NAV2: variants seen among roughly 807,000 people sequenced by gnomAD.
NAV2 encodes neuron navigator 2.
NAV2 carries 54 observed loss-of-function variants against 223.2 expected under a neutral mutation model. That is an observed-to-expected ratio of 0.24 (90% CI 0.19 to 0.30). The LOEUF (loss-of-function observed/expected upper bound fraction) is 0.30. Among genes scored for constraint, NAV2 ranks in the 10% least tolerant of loss-of-function variants. NAV2 has a pLI of 1.00. For missense variants in NAV2, 2,806 were observed against 3,147.5 expected, an observed-to-expected ratio of 0.89 and a Z score of 2.60; for synonymous variants, 1,279 against 1,239.3, an observed-to-expected ratio of 1.03 and a Z score of -0.67.
intron 17 of NAV2, among the ~76,000 whole-genome samples, chr11:20,051,770 AATATTTAACTTTTCTGCCC>A (rs538070847): frequency 5.3e-4 from 81 of 152,300 alleles, no homozygotes; most frequent in African/African-American, 1.9e-3. Context: ...CCAATTTGAA[AATATTTAACTTTTCTGCCC>A]ATAAAAAATT....
In NAV2 at chr11:20,068,208, A is replaced by C; in HGVS notation, c.4907A>C (p.Glu1636Ala). The C allele has an allele frequency of 6.2e-7, 1 of 1,614,058 alleles. No individual in the cohort carries two copies. The stretch of plus-strand genomic sequence containing the variant: ...CAGCCAGAAGAAAAATGCCAGTCAG[A>C]GGTAAGGAACAGCTTTCTGGTTGGA... ...YSTPEEKCQS[E>A]IRKLRRELDA... Residue 1636 changes from glutamate (E) to alanine (A), a missense_variant and splice_region_variant, in exon 21 of 38, where the codon GAG (glutamate) becomes GCG (alanine). Physicochemically the swap from Glu to Ala is moderately radical, Grantham distance 107. Coordinates refer to ENST00000349880, the MANE Select transcript of NAV2 (RefSeq NM_145117.5).
chr11:19,390,230 T>C (rs1849194849), intron 1 of NAV2, among the ~76,000 whole-genome samples: 1 of 152,182 alleles, frequency 6.6e-6, no homozygotes. Flanking sequence ...CTGGTCTCCT[T>C]GGACTTGTTT....
intron 36 of NAV2, 119 bp downstream of exon 36, chr11:20,107,901 C>A: frequency 1.4e-6 from 1 of 733,922 alleles, no homozygotes; most frequent in East Asian, 2.5e-5. Context: ...AACCCCTCAC[C>A]TGGGAGTTCA....
intron 10 of NAV2, among the ~76,000 whole-genome samples, chr11:19,966,719 T>C (rs766971205): frequency 2.0e-5 from 3 of 152,204 alleles, no homozygotes; most frequent in Non-Finnish European, 4.4e-5. Flanking sequence ...CTGATGCACA[T>C]TGATGGACAT....
At chr11:19,909,595 G>C (rs558530353) in intron 6 of NAV2, among the ~76,000 whole-genome samples, 74 of 152,320 alleles carry the variant, frequency 4.9e-4, no homozygotes, top group African/African-American at 1.5e-3. Context: ...AGTAGGAGGA[G>C]ATTCCTGGCT....
intron 3 of NAV2, among the ~76,000 whole-genome samples, chr11:19,860,377 C>T (rs1441453429): frequency 6.7e-6 from 1 of 148,622 alleles, no homozygotes; most frequent in African/African-American, 2.5e-5. Flanking sequence ...CAGAGACGCT[C>T]CTCACATCCC....
intron 1 of NAV2, among the ~76,000 whole-genome samples, chr11:19,672,135 C>T (rs1422413195): frequency 2.0e-5 from 3 of 152,150 alleles, no homozygotes; most frequent in Non-Finnish European, 4.4e-5. Flanking sequence ...GGAGCAGGGA[C>T]CAGCACTACA....
chr11:19,766,937 T>G (rs893653003), intron 1 of NAV2, among the ~76,000 whole-genome samples: 8 of 152,180 alleles, frequency 5.3e-5, no homozygotes, highest in Non-Finnish European at 8.8e-5. Context: ...GGGATGATCC[T>G]GTGGAAGGCT....
intron 1 of NAV2, among the ~76,000 whole-genome samples, chr11:19,543,646 T>G (rs2044400249): frequency 1.3e-5 from 2 of 152,228 alleles, no homozygotes; most frequent in Admixed American, 1.3e-4. Context: ...TGAGCTTGCC[T>G]TCCTTTGTCT....
intron 1 of NAV2, among the ~76,000 whole-genome samples, chr11:19,573,061 G>C (rs2045469700): frequency 6.6e-6 from 1 of 152,116 alleles, no homozygotes; most frequent in African/African-American, 2.4e-5. Flanking sequence ...GAAATCATGT[G>C]AGGACTCCGT....
At chr11:19,648,752 T>C (rs1281379459) in intron 1 of NAV2, among the ~76,000 whole-genome samples, 2 of 152,246 alleles carry the variant, frequency 1.3e-5, no homozygotes, top group African/African-American at 2.4e-5. Flanking sequence ...ATCTGTCCTT[T>C]GAAAATTATA....
chr11:19,964,408 A>C (rs2048582851), intron 10 of NAV2, among the ~76,000 whole-genome samples: 1 of 152,176 alleles, frequency 6.6e-6, no homozygotes, highest in South Asian at 2.1e-4. Flanking sequence ...CCATTGTAAT[A>C]ATATTAACAC....
intron 1 of NAV2, among the ~76,000 whole-genome samples, chr11:19,361,870 A>G (rs1853971541): frequency 6.6e-6 from 1 of 152,154 alleles, no homozygotes; most frequent in Non-Finnish European, 1.5e-5. Context: ...AATCTTGTCA[A>G]CACAAGTGAG....
chr11:19,960,112 G>C (rs969173122), intron 10 of NAV2, among the ~76,000 whole-genome samples: 2 of 152,170 alleles, frequency 1.3e-5, no homozygotes, highest in African/African-American at 4.8e-5. Context: ...GCCCCTGACT[G>C]TGCCCTGGGG....
At chr11:19,618,319 T>A (rs2046861134) in intron 1 of NAV2, among the ~76,000 whole-genome samples, 1 of 151,484 alleles carries the variant, frequency 6.6e-6, no homozygotes, top group Non-Finnish European at 1.5e-5. Flanking sequence ...GATGGATAGA[T>A]GAACAGACGG....
At chr11:19,725,082 CA>C (rs1260653422) in intron 1 of NAV2, among the ~76,000 whole-genome samples, 7 of 152,230 alleles carry the variant, frequency 4.6e-5, no homozygotes, top group South Asian at 2.1e-4. Flanking sequence ...ATTTACTGAG[CA>C]CTTACTATGT....
chr11:19,946,916 A>G (rs1442709791), intron 9 of NAV2, among the ~76,000 whole-genome samples: 2 of 152,232 alleles, frequency 1.3e-5, no homozygotes, highest in East Asian at 1.9e-4. Context: ...TTAGTCATGC[A>G]CGTACATAAA....
intron 1 of NAV2, among the ~76,000 whole-genome samples, chr11:19,432,696 G>A (rs1407217898): frequency 6.6e-6 from 1 of 152,142 alleles, no homozygotes; most frequent in African/African-American, 2.4e-5. Context: ...GTACAGCTAG[G>A]GTGTCCCTGT....
intron 1 of NAV2, among the ~76,000 whole-genome samples, chr11:19,567,048 G>A (rs929782194): frequency 2.6e-5 from 4 of 152,222 alleles, no homozygotes; most frequent in African/African-American, 7.2e-5. Context: ...ACTGGATGAT[G>A]GAGGGCTGTT....
Sources: allele counts gnomAD v4.1 joint callset (sites outside exome capture counted in the v4.1 genomes callset), GRCh38; gene constraint gnomAD v4.1.1; transcripts MANE v1.5; gene names NCBI Gene and HGNC (gene_info 2026-07-23, HGNC 2026-07-21).